Variants in PDCL2 observed in about 807,000 individuals in gnomAD.
PDCL2 encodes the protein phosducin like 2, also known as phosducin-like protein 2.
PDCL2 carries 23 observed loss-of-function variants against 30.3 expected under a neutral mutation model. The observed-to-expected ratio is 0.76, with a 90% CI of 0.55 to 1.08. PDCL2 has a LOEUF of 1.08. PDCL2 is among the 50% of genes least tolerant of loss of function. PDCL2 has a pLI of 0.00. For synonymous variants in PDCL2, 68 were observed against 86.2 expected, an observed-to-expected ratio of 0.79 and a Z score of 1.17; for missense variants, 243 against 282.3, an observed-to-expected ratio of 0.86 and a Z score of 1.00.
intron 3 of PDCL2, among the ~76,000 whole-genome samples, chr4:55,574,463 T>G (rs1346437720): frequency 2.0e-5 from 3 of 152,206 alleles, no homozygotes; most frequent in Non-Finnish European, 4.4e-5. Context: ...CTTTCACACT[T>G]TCTGATTCAC....
intron 3 of PDCL2, among the ~76,000 whole-genome samples, chr4:55,572,916 C>CA (rs1175065814): frequency 6.6e-6 from 1 of 152,110 alleles, no homozygotes; most frequent in Non-Finnish European, 1.5e-5. Flanking sequence ...CCCGCCATCA[C>CA]AACAGGCTAA....
chr4:55,585,394 G>T (rs2110168170), intron 1 of PDCL2, among the ~76,000 whole-genome samples: 1 of 152,216 alleles, frequency 6.6e-6, no homozygotes, highest in South Asian at 2.1e-4. Flanking sequence ...TGGGCACAGT[G>T]GCAGGCACCT....
intron 3 of PDCL2, among the ~76,000 whole-genome samples, chr4:55,579,104 A>G (rs1165169348): frequency 1.3e-5 from 2 of 151,326 alleles, no homozygotes; most frequent in African/African-American, 4.9e-5. Flanking sequence ...ATCCTATCAT[A>G]TAATTATTGA....
At chr4:55,587,129 G>A (rs920132526) in intron 1 of PDCL2, among the ~76,000 whole-genome samples, 2 of 145,946 alleles carry the variant, frequency 1.4e-5, no homozygotes, top group African/African-American at 2.6e-5. Flanking sequence ...GTGAGGGTCT[G>A]ATCTCTTCTT....
intron 1 of PDCL2, among the ~76,000 whole-genome samples, 183 bp downstream of exon 1, chr4:55,591,921 G>A (rs1448362880): frequency 6.6e-6 from 1 of 152,132 alleles, no homozygotes; most frequent in Non-Finnish European, 1.5e-5. Context: ...TGAAAAAATG[G>A]CGTTCTCCTA....
chr4:55,579,097 CTATCA>C (rs538468628), intron 3 of PDCL2, among the ~76,000 whole-genome samples: 124 of 151,340 alleles, frequency 8.2e-4, no homozygotes, highest in African/African-American at 2.9e-3. Context: ...CTTTACAATC[CTATCA>C]TATAATTATT....
intron 5 of PDCL2, 126 bp downstream of exon 5, chr4:55,562,278 A>T: frequency 2.0e-6 from 1 of 492,092 alleles, no homozygotes; most frequent in Non-Finnish European, 3.4e-6. Context: ...ATTAATCTGG[A>T]GGCATATAAA....
chr4:55,561,541 G>C (rs1416046848), intron 5 of PDCL2, among the ~76,000 whole-genome samples: 2 of 152,150 alleles, frequency 1.3e-5, no homozygotes, highest in African/African-American at 4.8e-5. Flanking sequence ...TCTAGCCTGA[G>C]TGACAGAGCA....
At chr4:55,572,123 A>G (rs1732442048) in intron 3 of PDCL2, among the ~76,000 whole-genome samples, 1 of 152,112 alleles carries the variant, frequency 6.6e-6, no homozygotes, top group East Asian at 1.9e-4. Context: ...GCAGGGGAGA[A>G]CAGTAAATAC....
At chr4:55,591,961 G>T in intron 1 of PDCL2, 143 bp downstream of exon 1, 1 of 1,128,362 alleles carries the variant, frequency 8.9e-7, no homozygotes, top group South Asian at 1.7e-5. Flanking sequence ...AGACAGAGAA[G>T]CACGCAAAAT....
At chr4:55,575,155 C>T (rs976380939) in intron 3 of PDCL2, among the ~76,000 whole-genome samples, 2 of 152,144 alleles carry the variant, frequency 1.3e-5, no homozygotes, top group Non-Finnish European at 2.9e-5. Context: ...AATTGTAGAA[C>T]ACCCAGTTGG....
chr4:55,561,087 C>G (rs150666829), intron 5 of PDCL2, among the ~76,000 whole-genome samples: 50 of 152,108 alleles, frequency 3.3e-4, no homozygotes, highest in Middle Eastern at 6.8e-3. Flanking sequence ...TTTATGTACT[C>G]TTATGTTGTT....
At chr4:55,585,162 T>C (rs755495047) in intron 1 of PDCL2, among the ~76,000 whole-genome samples, 23 of 152,192 alleles carry the variant, frequency 1.5e-4, no homozygotes, top group Non-Finnish European at 2.9e-4. Flanking sequence ...TCCTCAGAGA[T>C]AATGGCTTGT....
chr4:55,591,783 C>T (rs1275270863), intron 1 of PDCL2, among the ~76,000 whole-genome samples: 1 of 152,172 alleles, frequency 6.6e-6, no homozygotes, highest in Non-Finnish European at 1.5e-5. Flanking sequence ...TACACTTGGG[C>T]TAACGTTGCC....
rs150364932 is a variant in PDCL2 at position 55,588,276 on chromosome 4, T to G, written c.6+3828A>C. On this transcript the variant is annotated intron_variant, in intron 1 of 5. Transcript: ENST00000295645. ...GACAAAGGACAGACAGAACTGAAAGTCATCCCTCTCAGACTCACCTGAGAC... is the reference window on the plus strand; with the variant it reads ...GACAAAGGACAGACAGAACTGAAAGGCATCCCTCTCAGACTCACCTGAGAC... 1.5e-4 allele frequency among the ~76,000 whole-genome samples: 23 copies of G among 152,276 alleles called. No homozygotes were observed. In the East Asian group the frequency reaches 3.1e-3, roughly 20 times the overall value.
chr4:55,557,879 G>A (rs1217602786), intron 5 of PDCL2, among the ~76,000 whole-genome samples: 2 of 151,514 alleles, frequency 1.3e-5, no homozygotes, highest in Middle Eastern at 3.4e-3. Context: ...GCTGAGGAGG[G>A]CGGATCACCT....
At chr4:55,559,712 A>G (rs1732074890) in intron 5 of PDCL2, among the ~76,000 whole-genome samples, 1 of 152,244 alleles carries the variant, frequency 6.6e-6, no homozygotes, top group Non-Finnish European at 1.5e-5. Flanking sequence ...ACACATGTTC[A>G]TAACAGCATT....
intron 1 of PDCL2, among the ~76,000 whole-genome samples, chr4:55,584,038 A>G (rs1289865748): frequency 2.2e-4 from 33 of 152,240 alleles, no homozygotes; most frequent in Non-Finnish European, 1.5e-5. Flanking sequence ...ATCCATGAAC[A>G]TGGAATATCT....
chr4:55,578,276 C>G (rs916607853), intron 3 of PDCL2, among the ~76,000 whole-genome samples: 2 of 152,140 alleles, frequency 1.3e-5, no homozygotes, highest in East Asian at 3.9e-4. Context: ...GAACACAGAA[C>G]CCCAATATTT....
Sources: gnomAD v4.1 joint callset for allele counts (sites outside exome capture counted in the v4.1 genomes callset) on GRCh38, gnomAD v4.1.1 for gene constraint, MANE v1.5 for transcripts, NCBI Gene and HGNC (gene_info 2026-07-23, HGNC 2026-07-21) for gene names.